CCDC27: variants seen among roughly 807,000 people sequenced by gnomAD.
CCDC27 encodes coiled-coil domain-containing protein 27.
CCDC27 carries 80 observed loss-of-function variants against 80.3 expected under a neutral mutation model. The ratio of observed to expected loss-of-function variants is 1.00; its 90% CI spans 0.83 to 1.20. The LOEUF (loss-of-function observed/expected upper bound fraction) is 1.20. Among genes scored for constraint, CCDC27 ranks in the 50% most tolerant of loss-of-function variants. The pLI is 0.00. For missense variants in CCDC27, 815 were observed against 809.4 expected (o/e 1.01, Z -0.08); for synonymous variants, 342 against 334.3 (o/e 1.02, Z -0.25).
At chr1:3,755,639 C>T (rs1464176993) in intron 3 of CCDC27, 72 bp downstream of exon 3, 26 of 1,285,944 alleles carry the variant, frequency 2.0e-5, no homozygotes, top group East Asian at 1.8e-4. Context: ...CTTGCAGGGT[C>T]GCTGCTTGTG....
rs1429808351 is a variant in CCDC27 at position 3,769,845 on chromosome 1, G to C, written c.1806G>C (p.Leu602Phe). The C allele has an allele frequency of 1.2e-6, 2 of 1,614,024 alleles. No homozygotes were observed. The highest frequency in any genetic ancestry group is 1.7e-6 in the Non-Finnish European group (2 of 1,179,974). Residue 602 changes from leucine (L) to phenylalanine (F), a missense_variant, in exon 11 of 12, where the codon TTG (leucine) becomes TTC (phenylalanine). Transcript: ENST00000294600. The surrounding 1 kb of genome is among the most constrained non-coding windows in gnomAD (Gnocchi z 4.6). ...ATFSISGTKS[L>F]ANEISDNDIL... ...TTAGCATCTCCGGGACCAAGTCCTT[G>C]GCCAACGAGATCTCTGACAATGACA...
intron 8 of CCDC27, among the ~76,000 whole-genome samples, chr1:3,764,743 A>G (rs1461481794): frequency 6.6e-6 from 1 of 152,218 alleles, no homozygotes; most frequent in African/African-American, 2.4e-5. Flanking sequence ...TTTATCAAAA[A>G]GGATAAATGA....
chr1:3,757,898 G>A (rs1642995626), intron 4 of CCDC27, among the ~76,000 whole-genome samples: 1 of 149,922 alleles, frequency 6.7e-6, no homozygotes, highest in South Asian at 2.1e-4. Context: ...CTCCAGCCTG[G>A]GTGACAGAGT....
rs539571122 is a variant in CCDC27 at position 3,761,447 on chromosome 1, G to A, written c.861+17G>A. On this transcript the variant is annotated intron_variant, in intron 5 of 11. Coordinates refer to ENST00000294600, the MANE Select transcript of CCDC27 (RefSeq NM_152492.3). The surrounding 1 kb of genome is among the most constrained non-coding windows in gnomAD (Gnocchi z 5.0). ...GGCAGGAGGGTGAGCCAGCCCCAGC[G>A]GGGCACAGCGCAGAGCTCTAAGACG... 1.9e-5 allele frequency: 30 copies of A among 1,612,468 alleles called. No homozygotes were observed. In the East Asian group the frequency reaches 2.5e-4, roughly 13 times the overall value.
At chr1:3,754,077 A>G in intron 1 of CCDC27, 41 bp from the exon 2 acceptor site, 1 of 1,605,048 alleles carries the variant, frequency 6.2e-7, no homozygotes, top group Admixed American at 1.7e-5. Flanking sequence ...GCCTACAGTC[A>G]GGGGCCTTCC....
In CCDC27 at chr1:3,755,473, C is replaced by T. The variant is rs775768173; in HGVS notation, c.459C>T (p.Ala153=). Reference sequence around the variant, plus strand: ...ACTCTACAGGTTCACCCACTGAGGCCGATTTGTCCGGAGAGATTGACAACA... The same window carrying T: ...ACTCTACAGGTTCACCCACTGAGGCTGATTTGTCCGGAGAGATTGACAACA... ...SMSHCGSPTE[A]DLSGEIDNSS... The change falls in exon 3 of 12, where the codon GCC becomes GCT. Residue 153 remains alanine, a synonymous_variant. Coordinates refer to ENST00000294600, the MANE Select transcript of CCDC27 (RefSeq NM_152492.3). 8.1e-6 allele frequency: 13 copies of T among 1,614,020 alleles called. No homozygotes were observed. The highest frequency in any genetic ancestry group is 4.0e-5 in the African/African-American group (3 of 74,922).
intron 11 of CCDC27, among the ~76,000 whole-genome samples, chr1:3,770,575 C>T (rs1051026900): frequency 2.0e-5 from 3 of 152,222 alleles, no homozygotes; most frequent in Non-Finnish European, 4.4e-5. Context: ...CTGTGTACTA[C>T]GAAGGGGTCA....
chr1:3,756,655 G>A (rs1404875610), intron 3 of CCDC27, 78 bp from the exon 4 acceptor site: 47 of 1,507,788 alleles, frequency 3.1e-5, no homozygotes, highest in Non-Finnish European at 4.2e-5. Flanking sequence ...CGGAAGGGTG[G>A]ATGTCGTCAT....
In CCDC27 at chr1:3,763,486, G is replaced by A; in HGVS notation, c.1321+12G>A. 1.3e-6 allele frequency: 2 copies of A among 1,579,562 alleles called. No individual in the cohort carries two copies. Among genetic ancestry groups the A allele is most frequent in the South Asian group, 2.3e-5 (2 of 85,338 alleles). On this transcript the variant is annotated intron_variant, in intron 7 of 11. Transcript: ENST00000294600. This position sits in a 1 kb window ranked among gnomAD's most constrained non-coding sequence, Gnocchi z 7.5. ...CTCCCTTGCAACAGGTAGGGCCTCG[G>A]CGGGGGGCACTGGGCTTTGGCCACT...
intron 5 of CCDC27, 107 bp from the exon 6 acceptor site, chr1:3,762,513 C>T: frequency 1.2e-6 from 1 of 859,412 alleles, no homozygotes; most frequent in South Asian, 1.8e-5. Flanking sequence ...TGCAGGTCCC[C>T]TCCCCAGACA....
At chr1:3,771,162 C>G (rs1290610827) in intron 11 of CCDC27, among the ~76,000 whole-genome samples, 1 of 152,190 alleles carries the variant, frequency 6.6e-6, no homozygotes, top group Non-Finnish European at 1.5e-5. Context: ...AAATCAGCCA[C>G]TGTGGGAATA....
rs1643157362 is a variant in CCDC27 at position 3,763,816 on chromosome 1, C to T, written c.1432C>T (p.Leu478=). 1.2e-6 allele frequency: 2 copies of T among 1,612,962 alleles called. No individual in the cohort carries two copies. Among genetic ancestry groups the T allele is most frequent in the African/African-American group, 2.7e-5 (2 of 75,052 alleles). The change falls in exon 8 of 12, where the codon CTA becomes TTA. Residue 478 remains leucine (L), a synonymous_variant. Transcript: ENST00000294600. This position sits in a 1 kb window ranked among gnomAD's most constrained non-coding sequence, Gnocchi z 7.5. ...QKELRERRQQ[L]QAMTDKFSNL... is the part of the protein sequence containing the mutation. ...GGAGCTCCGAGAGCGGAGGCAGCAG[C>T]TACAAGCCATGACCGACAAGGTGGC...
intron 6 of CCDC27, 160 bp downstream of exon 6, chr1:3,762,872 C>T: frequency 1.2e-6 from 1 of 807,140 alleles, no homozygotes; most frequent in Non-Finnish European, 1.9e-6. Flanking sequence ...GGTCGTTAGC[C>T]CCCTTGAAGG....
chr1:3,770,220 G>A (rs927638122), intron 11 of CCDC27, among the ~76,000 whole-genome samples: 2 of 152,180 alleles, frequency 1.3e-5, no homozygotes, highest in Non-Finnish European at 2.9e-5. Context: ...CCCACAGCAG[G>A]AGCCCAGCCC....
Position 3,763,628 on chromosome 1 carries a change from C to T in CCDC27, c.1322-78C>T, listed in dbSNP as rs41303859. ...AGGCTGGCAGAGCCCTCCCAGCTGC[C>T]GCAGTGGCCCGGCCCTCTCCTTCTG... On this transcript the variant is annotated intron_variant, in intron 7 of 11. Coordinates refer to ENST00000294600, the MANE Select transcript of CCDC27 (RefSeq NM_152492.3). The surrounding 1 kb of genome is among the most constrained non-coding windows in gnomAD (Gnocchi z 7.5). 1,300 of 1,588,212 alleles carry T rather than the reference C, an allele frequency of 8.2e-4. 8 individuals are homozygous for T. Among genetic ancestry groups the T allele is most frequent in the Non-Finnish European group, 7.0e-4 (811 of 1,161,008 alleles).
Position 3,752,455 on chromosome 1 carries a change from C to T in CCDC27, c.-27C>T, listed in dbSNP as rs1406145086. On this transcript the variant is annotated 5_prime_UTR_variant, in exon 1 of 12. Coordinates refer to ENST00000294600, the MANE Select transcript of CCDC27 (RefSeq NM_152492.3). ...GACCTGGAGCTCTGGAAGCTGATCT[C>T]CTCCCACTGCACCAGCCAGCAGGTT... 1.2e-6 allele frequency: 2 copies of T among 1,609,594 alleles called. No homozygotes were observed. The highest frequency in any genetic ancestry group is 2.2e-5 in the South Asian group (2 of 90,780).
intron 11 of CCDC27, among the ~76,000 whole-genome samples, chr1:3,770,324 G>T (rs1373250050): frequency 6.6e-6 from 1 of 152,160 alleles, no homozygotes; most frequent in Non-Finnish European, 1.5e-5. Context: ...ACAGCCTCCT[G>T]GGCTCCTTCC....
At position 3,763,845 on chromosome 1, in the gene CCDC27, G is replaced by A. The variant is rs771465338; in HGVS notation, c.1452+9G>A. The A allele has an allele frequency of 1.9e-6, 3 of 1,613,658 alleles. No individual in the cohort carries two copies. Among genetic ancestry groups the A allele is most frequent in the Admixed American group, 1.7e-5 (1 of 59,994 alleles). ...AAGCCATGACCGACAAGGTGGCCGT[G>A]CGCTCAGTACCGGCCTCCGCTCCAT... On this transcript the variant is annotated intron_variant, in intron 8 of 11. Coordinates refer to ENST00000294600, the MANE Select transcript of CCDC27 (RefSeq NM_152492.3). This position sits in a 1 kb window ranked among gnomAD's most constrained non-coding sequence, Gnocchi z 7.5.
rs1643054865 is a variant in CCDC27, at chr1:3,760,244, G to A, written c.712-1037G>A. On this transcript the variant is annotated intron_variant, in intron 4 of 11. Transcript: ENST00000294600. The surrounding 1 kb of genome is among the most constrained non-coding windows in gnomAD (Gnocchi z 4.3). The stretch of plus-strand genomic sequence containing the variant: ...TTGTATTTCAGGCATAAAGTGGTAA[G>A]AATCCATACTACAAAGATTCCCATG... Among the ~76,000 whole-genome samples, 1 of 152,070 alleles carries A rather than the reference G, an allele frequency of 6.6e-6. No individual in the cohort carries two copies. The highest frequency in any genetic ancestry group is 6.5e-5 in the Admixed American group (1 of 15,272).
Sources: gnomAD v4.1 joint callset for allele counts (sites outside exome capture counted in the v4.1 genomes callset) on GRCh38, gnomAD v4.1.1 for gene constraint, Gnocchi (gnomAD v3.1) non-coding constraint, MANE v1.5 for transcripts, NCBI Gene and HGNC (gene_info 2026-07-23, HGNC 2026-07-21) for gene names.